GRIN2D: variants seen among roughly 807,000 people sequenced by gnomAD.
GRIN2D encodes the protein glutamate ionotropic receptor NMDA type subunit 2D.
A neutral mutation model predicts 103.2 loss-of-function variants in GRIN2D; 37 were observed. The observed-to-expected ratio is 0.36, with a 90% CI of 0.28 to 0.47. GRIN2D has a LOEUF of 0.47. Ranked by LOEUF, GRIN2D falls within the 20% of genes least tolerant of loss-of-function variation. GRIN2D has a pLI of 1.00. For synonymous variants in GRIN2D, 845 were observed against 885.6 expected, an observed-to-expected ratio of 0.95 and a Z score of 0.81; for missense variants, 1,557 against 1,910.6, an observed-to-expected ratio of 0.81 and a Z score of 3.45.
chr19:48,431,070 C>T (rs1292703899), intron 11 of GRIN2D, among the ~76,000 whole-genome samples: 4 of 152,142 alleles, frequency 2.6e-5, no homozygotes, highest in Non-Finnish European at 4.4e-5. Flanking sequence ...CTGTTCACCT[C>T]GGCCTCCCAA....
In GRIN2D at chr19:48,441,909, G is replaced by A. The variant is rs371691127; in HGVS notation, c.2393G>A (p.Arg798His). 1.2e-6 allele frequency: 2 copies of A among 1,611,888 alleles called. No individual in the cohort carries two copies. Among genetic ancestry groups the A allele is most frequent in the Non-Finnish European group, 1.7e-6 (2 of 1,179,732 alleles). The change falls in exon 12 of 14, where the codon CGC (arginine) becomes CAC (histidine). Residue 798 changes from arginine (R) to histidine (H), a missense_variant. Transcript: ENST00000263269. The part of the protein sequence containing the change: ...GYGIALHKGS[R>H]WKRPIDLALL... Reference sequence around the variant, plus strand: ...GGCATCGCCCTGCACAAGGGCTCCCGCTGGAAGCGGCCCATCGACCTGGCG... The same window carrying A: ...GGCATCGCCCTGCACAAGGGCTCCCACTGGAAGCGGCCCATCGACCTGGCG...
Position 48,419,592 on chromosome 19 carries a change from C to T in GRIN2D, c.1869C>T (p.Gly623=), listed in dbSNP as rs761690976. The change falls in exon 10 of 14, where the codon GGC becomes GGT. Residue 623 remains glycine, a synonymous_variant. Coordinates refer to ENST00000263269, the MANE Select transcript of GRIN2D (RefSeq NM_000836.4). ...NRSLATGKRP[G]GSTFTIGKSI... is the part of the protein sequence containing the mutation. ...CGTCCTGGCCCCCTGCAGGCCCTGG[C>T]GGTTCAACCTTCACCATTGGGAAAT... The T allele has an allele frequency of 3.7e-6, 6 of 1,611,458 alleles. No individual in the cohort carries two copies. The highest frequency in any genetic ancestry group is 5.1e-6 in the Non-Finnish European group (6 of 1,178,388).
At chr19:48,407,591 G>A (rs1386022164) in intron 4 of GRIN2D, among the ~76,000 whole-genome samples, 2 of 152,154 alleles carry the variant, frequency 1.3e-5, no homozygotes, top group African/African-American at 4.8e-5. Flanking sequence ...TGACCTGAGG[G>A]ATGAATTGCT....
intron 11 of GRIN2D, among the ~76,000 whole-genome samples, chr19:48,438,286 C>CTTT (rs1971253794): frequency 1.0e-5 from 1 of 98,662 alleles, no homozygotes; most frequent in Non-Finnish European, 2.0e-5. Flanking sequence ...CATCCAGCCG[C>CTTT]CTTTTTTTTT....
rs571248757 is a variant in GRIN2D at position 48,414,522 on chromosome 19, T to C, written c.1350T>C (p.Pro450=). The C allele has an allele frequency of 6.4e-6, 10 of 1,564,202 alleles. No homozygotes were observed. The highest frequency in any genetic ancestry group is 4.7e-5 in the South Asian group (4 of 85,356). ...RPFVIVEPAD[P]ISGTCIRDSV... is the part of the protein sequence containing the mutation. The stretch of plus-strand genomic sequence containing the variant: ...TTGTCATCGTGGAGCCTGCAGACCC[T>C]ATCAGCGGCACCTGCATCCGAGACT... The change falls in exon 6 of 14, where the codon CCT becomes CCC. Residue 450 remains proline, a synonymous_variant. Transcript: ENST00000263269. This position sits in a 1 kb window ranked among gnomAD's most constrained non-coding sequence, Gnocchi z 4.6.
chr19:48,395,768 G>C (rs276714), intron 2 of GRIN2D, among the ~76,000 whole-genome samples: 47,651 of 151,916 alleles, frequency 0.31, 8,049 homozygotes, highest in East Asian at 0.58. Flanking sequence ...GGGAAGGATA[G>C]GGTTTGAAAC....
chr19:48,429,490 C>G (rs1647117340), intron 11 of GRIN2D, among the ~76,000 whole-genome samples: 1 of 152,132 alleles, frequency 6.6e-6, no homozygotes, highest in African/African-American at 2.4e-5. Flanking sequence ...ACCTCTGCCT[C>G]CTGGGTTCAA....
chr19:48,443,836 G>A lies in GRIN2D; in HGVS notation c.3910G>A (p.Gly1304Arg). ...ARRCPHAAHWGPPLPTASHRR... is the reference protein window; with the variant it reads ...ARRCPHAAHWRPPLPTASHRR... Reference sequence around the variant, plus strand: ...CAGGTGTCCGCACGCCGCGCACTGGGGGCCGCCGCTGCCCACAGCTTCCCA... The same window carrying A: ...CAGGTGTCCGCACGCCGCGCACTGGAGGCCGCCGCTGCCCACAGCTTCCCA... The change falls in exon 14 of 14, where the codon GGG becomes AGG. Residue 1304 changes from glycine to arginine, a missense_variant. By Grantham distance (125) the Gly-to-Arg change is moderately radical (BLOSUM62 -2). Around this residue, in one of 7 missense-constraint regions of GRIN2D, gnomAD observed 88 missense variants for 84.3 expected, o/e 1.04. Transcript: ENST00000263269. The surrounding 1 kb of genome is among the most constrained non-coding windows in gnomAD (Gnocchi z 8.9). The A allele has an allele frequency of 2.0e-6, 3 of 1,484,888 alleles. No homozygotes were observed. The highest frequency in any genetic ancestry group is 1.5e-5 in the African/African-American group (1 of 68,412). 92.0% of individuals were successfully genotyped at this position (1,484,888 alleles called of 1,614,324 possible). A position where few individuals can be genotyped will look rare whatever the true frequency, so the allele number is the denominator to read the frequency against.
chr19:48,429,203 A>T (rs1677273211), intron 11 of GRIN2D, among the ~76,000 whole-genome samples: 1 of 151,822 alleles, frequency 6.6e-6, no homozygotes, highest in South Asian at 2.1e-4. Flanking sequence ...TAGTTTGGAG[A>T]GTCAGATACA....
At chr19:48,438,359 T>C (rs960743725) in intron 11 of GRIN2D, among the ~76,000 whole-genome samples, 36 of 131,540 alleles carry the variant, frequency 2.7e-4, no homozygotes, top group Admixed American at 1.7e-3. Context: ...AGTGTAGTGG[T>C]GCGATCTCGG....
chr19:48,414,293 C>A lies in GRIN2D; in HGVS notation c.1201-80C>A. ...GAAGCTGCTGCCCACACACCTAGGT[C>A]TGAGGGAAGAGGATCATGGAGGCCA... On this transcript the variant is annotated intron_variant, in intron 5 of 13. Transcript: ENST00000263269. This position sits in a 1 kb window ranked among gnomAD's most constrained non-coding sequence, Gnocchi z 4.6. 1 of 1,227,726 alleles carries A rather than the reference C, an allele frequency of 8.1e-7. No individual in the cohort carries two copies. Among genetic ancestry groups the A allele is most frequent in the Non-Finnish European group, 1.2e-6 (1 of 864,392 alleles). 76.1% of individuals were successfully genotyped at this position (1,227,726 alleles called of 1,614,324 possible). A position where few individuals can be genotyped will look rare whatever the true frequency, so the allele number is the denominator to read the frequency against.
chr19:48,431,502 A>G (rs1184870089), intron 11 of GRIN2D, among the ~76,000 whole-genome samples: 2 of 151,676 alleles, frequency 1.3e-5, no homozygotes, highest in Admixed American at 1.3e-4. Flanking sequence ...TCTGATTCCT[A>G]TGCCTTTGTA....
rs1341784422 is a variant in GRIN2D at position 48,442,722 on chromosome 19, C to A, written c.2796C>A (p.Phe932Leu). ...APRPAPGPAP[F>L]VPRERASVDR... ...GGCCGGCTCCCGGGCCCGCACCTTT[C>A]GTGCCCCGCGAGCGCGCCTCAGTGG... The change falls in exon 14 of 14, where the codon TTC becomes TTA. Residue 932 changes from phenylalanine (F) to leucine (L), a missense_variant. By Grantham distance (22) the Phe-to-Leu change is conservative. Coordinates refer to ENST00000263269, the MANE Select transcript of GRIN2D (RefSeq NM_000836.4). The surrounding 1 kb of genome is among the most constrained non-coding windows in gnomAD (Gnocchi z 7.2). 3.6e-6 allele frequency: 4 copies of A among 1,121,434 alleles called. No homozygotes were observed. The highest frequency in any genetic ancestry group is 1.0e-4 in the East Asian group (2 of 19,050). 69.5% of individuals were successfully genotyped at this position (1,121,434 alleles called of 1,614,324 possible).
At position 48,398,733 on chromosome 19, in the gene GRIN2D, G is replaced by C; in HGVS notation, c.341G>C (p.Gly114Ala). 2 of 1,467,762 alleles carry C rather than the reference G, an allele frequency of 1.4e-6. No homozygotes were observed. The highest frequency in any genetic ancestry group is 2.6e-5 in the South Asian group (2 of 77,420). 90.9% of individuals were successfully genotyped at this position (1,467,762 alleles called of 1,614,324 possible). The change falls in exon 3 of 14, where the codon GGC becomes GCC. Residue 114 changes from glycine (G) to alanine (A), a missense_variant. By Grantham distance (60) the Gly-to-Ala change is moderately conservative (BLOSUM62 0). Coordinates refer to ENST00000263269, the MANE Select transcript of GRIN2D (RefSeq NM_000836.4). Reference sequence around the variant, plus strand: ...CTGCTGTCGGGGTTGCGCGTGCACGGCGTGGTCTTCGAAGACGACTCGCGC... The same window carrying C: ...CTGCTGTCGGGGTTGCGCGTGCACGCCGTGGTCTTCGAAGACGACTCGCGC... ...CDLLSGLRVH[G>A]VVFEDDSRAP... is the part of the protein sequence containing the mutation.
chr19:48,438,669 T>A (rs1002569070), intron 11 of GRIN2D, among the ~76,000 whole-genome samples: 18 of 151,142 alleles, frequency 1.2e-4, no homozygotes, highest in Non-Finnish European at 2.2e-4. Context: ...CCTGACCTCA[T>A]GTGATCCGCC....
Position 48,416,085 on chromosome 19 carries a change from C to T in GRIN2D, c.1665C>T (p.Pro555=). ...ERSEIVDFSV[P]FVETGISVMV... is the part of the protein sequence containing the mutation. The stretch of plus-strand genomic sequence containing the variant: ...CCGAGATCGTGGACTTCTCCGTCCC[C>T]TTCGTGGAGACCGGCATCAGCGTCA... Residue 555 remains proline (P), a synonymous_variant, in exon 8 of 14, where the codon CCC becomes CCT. Coordinates refer to ENST00000263269, the MANE Select transcript of GRIN2D (RefSeq NM_000836.4). 1 of 1,614,038 alleles carries T rather than the reference C, an allele frequency of 6.2e-7. No individual in the cohort carries two copies. Among genetic ancestry groups the T allele is most frequent in the Non-Finnish European group, 8.5e-7 (1 of 1,179,936 alleles).
intron 11 of GRIN2D, among the ~76,000 whole-genome samples, chr19:48,437,264 G>A (rs537818188): frequency 1.3e-5 from 2 of 152,148 alleles, no homozygotes; most frequent in Admixed American, 1.3e-4. Context: ...GAGATGACAG[G>A]CATGCACCAC....
At chr19:48,412,406 GAAAGAAAGAGAAAGA>G (rs1244235510) in intron 4 of GRIN2D, among the ~76,000 whole-genome samples, 1 of 132,076 alleles carries the variant, frequency 7.6e-6, no homozygotes, top group Non-Finnish European at 1.6e-5. Flanking sequence ...AGAAAAGAAA[GAAAGAAAGAGAAAGA>G]AAAGAAAGAA....
chr19:48,435,702 C>T (rs1383818824), intron 11 of GRIN2D, among the ~76,000 whole-genome samples: 1 of 152,208 alleles, frequency 6.6e-6, no homozygotes, highest in Non-Finnish European at 1.5e-5. Flanking sequence ...CCCGGGCGGC[C>T]TCCCAAAGTG....
Sources: allele counts gnomAD v4.1 joint callset (sites outside exome capture counted in the v4.1 genomes callset), GRCh38; gene constraint gnomAD v4.1.1; regional missense constraint gnomAD v4.1.1; non-coding constraint Gnocchi (gnomAD v3.1); transcripts MANE v1.5; gene names NCBI Gene and HGNC (gene_info 2026-07-23, HGNC 2026-07-21).